Variants in SLFN12L observed in about 807,000 individuals in gnomAD.
SLFN12L encodes the protein schlafen family member 12 like.
Under a neutral mutation model 34.8 loss-of-function variants are expected in SLFN12L, and 34 were observed. That is an observed-to-expected ratio of 0.98 (90% confidence interval 0.74 to 1.30). The LOEUF is 1.30. Ranked by LOEUF, SLFN12L falls within the 50% of genes most tolerant of loss-of-function variation. SLFN12L has a pLI of 0.00. For synonymous variants in SLFN12L, 259 were observed against 247.5 expected (o/e 1.05, Z -0.44); for missense variants, 703 against 696.2 (o/e 1.01, Z -0.11).
chr17:35,495,345 T>C (rs562469548), intron 2 of SLFN12L, among the ~76,000 whole-genome samples: 2 of 152,344 alleles, frequency 1.3e-5, no homozygotes, highest in East Asian at 3.9e-4. Context: ...AGTGCCGTGA[T>C]GGTTTCAAGG....
intron 1 of SLFN12L, among the ~76,000 whole-genome samples, chr17:35,529,343 G>A (rs1597885185): frequency 6.6e-6 from 1 of 152,144 alleles, no homozygotes; most frequent in South Asian, 2.1e-4. Flanking sequence ...TCCCATTACT[G>A]GGTATATACC....
intron 1 of SLFN12L, among the ~76,000 whole-genome samples, chr17:35,534,147 G>A (rs1387542959): frequency 6.6e-6 from 1 of 152,108 alleles, no homozygotes; most frequent in African/African-American, 2.4e-5. Flanking sequence ...CAGATCATGA[G>A]GTCAAGAGAT....
At chr17:35,499,571 T>C (rs1438675963) in intron 2 of SLFN12L, 2 of 158,580 alleles carry the variant, frequency 1.3e-5, no homozygotes, top group African/African-American at 4.8e-5. Context: ...GCCTGCATTG[T>C]AAACTGTAAT....
At position 35,498,148 on chromosome 17, in the gene SLFN12L, G is replaced by C. The variant is rs914799047; in HGVS notation, c.87-17953C>G. On this transcript the variant is annotated intron_variant, in intron 2 of 4. Coordinates refer to ENST00000628453, the MANE Select transcript of SLFN12L (RefSeq NM_001363830.2). ...GAGCGAGACCTGCAGCAGAGACGAC[G>C]GAGGCGGAAGCATCTCGATCCGGGA... 12 of 585,804 alleles carry C rather than the reference G, an allele frequency of 2.0e-5. No individual in the cohort carries two copies. The Admixed American group carries it at 3.0e-4, about 15-fold the overall frequency. 36.3% of individuals were successfully genotyped at this position (585,804 alleles called of 1,614,324 possible).
Position 35,494,889 on chromosome 17 carries a change from TTTTA to T in SLFN12L, c.87-14698_87-14695del, listed in dbSNP as rs3087173. Among the ~76,000 whole-genome samples the T allele has an allele frequency of 5.6e-3, 822 of 146,918 alleles. 4 individuals carry two copies. Among genetic ancestry groups the T allele is most frequent in the African/African-American group, 0.019 (757 of 39,634 alleles). On this transcript the variant is annotated intron_variant, in intron 2 of 4. Transcript: ENST00000628453. Reference sequence around the variant, plus strand: ...TGCGTTAATTTTATTAATTTATTTATTTTATTTATTTATTTATTTATTTATTTAT... The same window carrying T: ...TGCGTTAATTTTATTAATTTATTTATTTTATTTATTTATTTATTTATTTAT...
Position 35,479,743 on chromosome 17 carries a change from T to G in SLFN12L, c.539A>C (p.Asn180Thr). 1.2e-6 allele frequency: 2 copies of G among 1,614,156 alleles called. No individual in the cohort carries two copies. Among genetic ancestry groups the G allele is most frequent in the East Asian group, 2.2e-5 (1 of 44,884 alleles). Residue 180 changes from asparagine to threonine, a missense_variant, in exon 3 of 5, where the codon AAT becomes ACT. Coordinates refer to ENST00000628453, the MANE Select transcript of SLFN12L (RefSeq NM_001363830.2). ...KRDVTSAKVM[N>T]ASAALEFLKD... The stretch of plus-strand genomic sequence containing the variant: ...GAGGAACTCCAGTGCAGCAGAAGCA[T>G]TCATGACTTTTGCAGACGTTACATC...
chr17:35,480,623 T>C (rs935789357), intron 2 of SLFN12L: 1 of 153,320 alleles, frequency 6.5e-6, no homozygotes, highest in African/African-American at 2.4e-5. Flanking sequence ...ATTCATTAAT[T>C]ATCTCCTTTT....
intron 2 of SLFN12L, among the ~76,000 whole-genome samples, chr17:35,508,595 A>G (rs1915542300): frequency 6.6e-6 from 1 of 152,062 alleles, no homozygotes; most frequent in South Asian, 2.1e-4. Flanking sequence ...TGATCTGCCC[A>G]CCTTGGCCTC....
chr17:35,513,518 C>A (rs1047053871), intron 2 of SLFN12L, among the ~76,000 whole-genome samples: 8 of 152,298 alleles, frequency 5.3e-5, no homozygotes, highest in African/African-American at 1.7e-4. Flanking sequence ...CTGCTCAGTT[C>A]GACAGATGCC....
intron 2 of SLFN12L, among the ~76,000 whole-genome samples, chr17:35,494,748 G>A (rs1914976645): frequency 6.6e-6 from 1 of 152,168 alleles, no homozygotes; most frequent in Non-Finnish European, 1.5e-5. Flanking sequence ...CTTCTGTGGT[G>A]GGAGGACTGG....
At chr17:35,535,072 C>A (rs749806783) in intron 1 of SLFN12L, among the ~76,000 whole-genome samples, 168 of 152,172 alleles carry the variant, frequency 1.1e-3, no homozygotes, top group Non-Finnish European at 1.9e-3. Context: ...TTTATTTTAC[C>A]AATGAGGAAA....
intron 2 of SLFN12L, among the ~76,000 whole-genome samples, chr17:35,518,059 T>G (rs1191164265): frequency 6.6e-6 from 1 of 152,060 alleles, no homozygotes; most frequent in East Asian, 1.9e-4. Context: ...CTAATCAAAC[T>G]AAAGAGCTTC....
At chr17:35,507,885 G>A (rs1915515287) in intron 2 of SLFN12L, among the ~76,000 whole-genome samples, 1 of 152,186 alleles carries the variant, frequency 6.6e-6, no homozygotes, top group Non-Finnish European at 1.5e-5. Context: ...CCACTAATGA[G>A]TGAGATTCTC....
Position 35,474,973 on chromosome 17 carries a change from A to G in SLFN12L, c.1789T>C (p.Phe597Leu), listed in dbSNP as rs773030908. The change falls in exon 5 of 5, where the codon TTT becomes CTT. Residue 597 changes from phenylalanine to leucine, a missense_variant. Physicochemically the swap from Phe to Leu is conservative, Grantham distance 22. Transcript: ENST00000628453. Reference protein sequence around the residue: ...ENQIFLFVCLFRFCLFVCWFV... With the variant: ...ENQIFLFVCLLRFCLFVCWFV... ...CAACAAACAAACAAACAAAAACGAA[A>G]CAAACAAACAAACAAAAAGATTTGA... 107 of 1,550,792 alleles carry G rather than the reference A, an allele frequency of 6.9e-5. No individual in the cohort carries two copies. Among genetic ancestry groups the G allele is most frequent in the Non-Finnish European group, 8.6e-5 (99 of 1,147,074 alleles).
chr17:35,517,668 C>A (rs923506901), intron 2 of SLFN12L, among the ~76,000 whole-genome samples: 1 of 152,124 alleles, frequency 6.6e-6, no homozygotes, highest in Non-Finnish European at 1.5e-5. Flanking sequence ...CCTACAGTAA[C>A]CAAAACAGCA....
At chr17:35,488,642 C>G (rs1914706237) in intron 2 of SLFN12L, among the ~76,000 whole-genome samples, 2 of 152,192 alleles carry the variant, frequency 1.3e-5, no homozygotes, top group African/African-American at 4.8e-5. Context: ...GAGGAGTTCA[C>G]CAGTCTGAAT....
chr17:35,512,408 C>T (rs1456426982), intron 2 of SLFN12L, among the ~76,000 whole-genome samples: 1 of 148,268 alleles, frequency 6.7e-6, no homozygotes, highest in Non-Finnish European at 1.5e-5. Flanking sequence ...CTCTGTCGCC[C>T]AGGCTGGAGT....
At chr17:35,483,774 T>C (rs147215942) in intron 2 of SLFN12L, among the ~76,000 whole-genome samples, 162 of 152,306 alleles carry the variant, frequency 1.1e-3, no homozygotes, top group Admixed American at 2.0e-3. Context: ...AAGTCCATCA[T>C]AGGTAGTAAT....
intron 2 of SLFN12L, among the ~76,000 whole-genome samples, chr17:35,510,879 T>C (rs1363714624): frequency 6.6e-6 from 1 of 151,978 alleles, no homozygotes; most frequent in Non-Finnish European, 1.5e-5. Flanking sequence ...ATTTAATTAC[T>C]ACTAATATCT....
Sources: allele counts gnomAD v4.1 joint callset (sites outside exome capture counted in the v4.1 genomes callset), GRCh38; gene constraint gnomAD v4.1.1; transcripts MANE v1.5; gene names NCBI Gene and HGNC (gene_info 2026-07-23, HGNC 2026-07-21).